The following FBXL7 variants were observed in gnomAD, a reference collection of about 807,000 sequenced individuals.
FBXL7 encodes the protein F-box and leucine rich repeat protein 7.
In FBXL7, 12 loss-of-function variants were observed where a neutral mutation model predicts 38.3. The observed-to-expected ratio is 0.31, with a 90% CI of 0.20 to 0.51. The LOEUF is 0.51. FBXL7 is among the 20% of genes least tolerant of loss of function. The pLI is 0.98. For missense variants in FBXL7, 567 were observed against 676.4 expected (o/e 0.84, Z 1.79); for synonymous variants, 297 against 300.9 (o/e 0.99, Z 0.13).
At chr5:15,536,615 G>A (rs986255017) in intron 1 of FBXL7, among the ~76,000 whole-genome samples, 2 of 152,140 alleles carry the variant, frequency 1.3e-5, no homozygotes, top group Non-Finnish European at 2.9e-5. Context: ...TATTTGGGAT[G>A]GGAGCATCTA....
chr5:15,858,600 A>G (rs1031145051), intron 2 of FBXL7, among the ~76,000 whole-genome samples: 8 of 152,202 alleles, frequency 5.3e-5, no homozygotes, highest in African/African-American at 1.9e-4. Flanking sequence ...AGTGGGAATT[A>G]TCTAATGTGC....
chr5:15,816,486 A>AG lies in FBXL7; in HGVS notation c.128-111403dup, dbSNP rs76526903. On this transcript the variant is annotated intron_variant, in intron 2 of 3. Coordinates refer to ENST00000504595, the MANE Select transcript of FBXL7 (RefSeq NM_012304.5). ...GTGGTATAATGGACATTGAAGACTC[A>AG]GAAGTGGGGAGGTGAAGTGGGGAAG... Among the ~76,000 whole-genome samples the AG allele has an allele frequency of 0.021, 3,231 of 152,262 alleles. 305 individuals carry two copies. The East Asian group carries it at 0.34, about 16-fold the overall frequency.
chr5:15,808,197 A>G (rs1443374668), intron 2 of FBXL7, among the ~76,000 whole-genome samples: 1 of 151,638 alleles, frequency 6.6e-6, no homozygotes, highest in African/African-American at 2.4e-5. Context: ...CACTCAACCC[A>G]TTGTTGAGAC....
At chr5:15,629,184 A>G (rs951714169) in intron 2 of FBXL7, among the ~76,000 whole-genome samples, 38 of 149,120 alleles carry the variant, frequency 2.5e-4, no homozygotes, top group African/African-American at 7.8e-4. Flanking sequence ...TGCTCAGGAG[A>G]CTGAGACATG....
intron 1 of FBXL7, among the ~76,000 whole-genome samples, chr5:15,571,104 A>G (rs1016512396): frequency 2.0e-5 from 3 of 151,220 alleles, no homozygotes; most frequent in South Asian, 2.1e-4. Flanking sequence ...AAAAAAAAAA[A>G]AAAAAAGAAA....
intron 2 of FBXL7, among the ~76,000 whole-genome samples, chr5:15,749,524 G>A (rs1333469213): frequency 6.6e-6 from 1 of 152,004 alleles, no homozygotes; most frequent in Non-Finnish European, 1.5e-5. Flanking sequence ...CTACTCGGGA[G>A]GCTGAGGCAG....
At chr5:15,627,237 G>A (rs553567264) in intron 2 of FBXL7, among the ~76,000 whole-genome samples, 1 of 152,198 alleles carries the variant, frequency 6.6e-6, no homozygotes, top group African/African-American at 2.4e-5. Flanking sequence ...TTGTGTAGCA[G>A]TTAAATAGCC....
At chr5:15,885,606 T>G (rs1740643703) in intron 2 of FBXL7, among the ~76,000 whole-genome samples, 1 of 152,236 alleles carries the variant, frequency 6.6e-6, no homozygotes, top group African/African-American at 2.4e-5. Flanking sequence ...CATTTTCCTG[T>G]AAAATGTTCA....
intron 2 of FBXL7, among the ~76,000 whole-genome samples, chr5:15,877,211 T>C (rs187114673): frequency 6.6e-6 from 1 of 152,290 alleles, no homozygotes; most frequent in East Asian, 1.9e-4. Context: ...TTCAGTAACA[T>C]GTAAAAATTG....
At chr5:15,693,664 G>A (rs575516987) in intron 2 of FBXL7, among the ~76,000 whole-genome samples, 4 of 152,232 alleles carry the variant, frequency 2.6e-5, no homozygotes, top group South Asian at 2.1e-4. Flanking sequence ...GCGGACACAC[G>A]CATAAGCAGC....
At chr5:15,840,432 G>T (rs1404646236) in intron 2 of FBXL7, among the ~76,000 whole-genome samples, 1 of 152,126 alleles carries the variant, frequency 6.6e-6, no homozygotes, top group Non-Finnish European at 1.5e-5. Flanking sequence ...AGTTTGTCAA[G>T]TTCCACAGAT....
chr5:15,812,927 TG>T (rs1284558976), intron 2 of FBXL7, among the ~76,000 whole-genome samples: 2 of 152,146 alleles, frequency 1.3e-5, no homozygotes, highest in African/African-American at 4.8e-5. Flanking sequence ...TTTGCCTCTC[TG>T]TTTGTCTGTT....
chr5:15,509,575 G>A (rs560077194), intron 1 of FBXL7, among the ~76,000 whole-genome samples: 1 of 152,154 alleles, frequency 6.6e-6, no homozygotes, highest in South Asian at 2.1e-4. Flanking sequence ...TCTAAAAGAT[G>A]TGCCTGTTTT....
chr5:15,924,438 G>A (rs1741825644), intron 2 of FBXL7, among the ~76,000 whole-genome samples: 1 of 152,002 alleles, frequency 6.6e-6, no homozygotes, highest in South Asian at 2.1e-4. Context: ...TAGAAGGTAT[G>A]TCCATCATCT....
intron 2 of FBXL7, among the ~76,000 whole-genome samples, chr5:15,816,277 A>G (rs1490364392): frequency 2.6e-5 from 4 of 152,066 alleles, no homozygotes; most frequent in Non-Finnish European, 5.9e-5. Flanking sequence ...GTGTATATAT[A>G]TATATATATG....
intron 2 of FBXL7, among the ~76,000 whole-genome samples, chr5:15,682,293 G>C (rs569577531): frequency 6.6e-6 from 1 of 152,252 alleles, no homozygotes; most frequent in East Asian, 1.9e-4. Context: ...CCTCACCTCT[G>C]TTCACATTCC....
chr5:15,682,734 G>A (rs997848195), intron 2 of FBXL7, among the ~76,000 whole-genome samples: 1 of 152,148 alleles, frequency 6.6e-6, no homozygotes, highest in East Asian at 1.9e-4. Context: ...CTTGGTTAAG[G>A]GGAAAGCTGC....
At chr5:15,785,716 G>T (rs1737116885) in intron 2 of FBXL7, among the ~76,000 whole-genome samples, 2 of 152,206 alleles carry the variant, frequency 1.3e-5, no homozygotes, top group Non-Finnish European at 2.9e-5. Context: ...ACTAGCAGCT[G>T]GTTGCATGAA....
At chr5:15,640,843 A>G (rs1741343905) in intron 2 of FBXL7, among the ~76,000 whole-genome samples, 1 of 152,102 alleles carries the variant, frequency 6.6e-6, no homozygotes, top group Non-Finnish European at 1.5e-5. Context: ...GCTTTAACAT[A>G]TCTTTATAGG....
Sources: allele counts gnomAD v4.1 joint callset (sites outside exome capture counted in the v4.1 genomes callset), GRCh38; gene constraint gnomAD v4.1.1; transcripts MANE v1.5; gene names NCBI Gene and HGNC (gene_info 2026-07-23, HGNC 2026-07-21).